The following SLC4A7 variants were observed in gnomAD, a reference collection of about 807,000 sequenced individuals.
The protein encoded by SLC4A7 is solute carrier family 4 member 7.
Under a neutral mutation model 137.6 loss-of-function variants are expected in SLC4A7, and 51 were observed. The ratio of observed to expected loss-of-function variants is 0.37; its 90% CI spans 0.30 to 0.47. The LOEUF is 0.47. Among genes scored for constraint, SLC4A7 ranks in the 20% least tolerant of loss-of-function variants. The pLI, the probability that SLC4A7 is intolerant of heterozygous loss-of-function variation, is 1.00. For missense variants in SLC4A7, 1,247 were observed against 1,525.4 expected, an observed-to-expected ratio of 0.82 and a Z score of 3.04; for synonymous variants, 542 against 518.6, an observed-to-expected ratio of 1.05 and a Z score of -0.61.
chr3:27,421,683 A>T lies in SLC4A7; in HGVS notation c.1363T>A (p.Phe455Ile). The stretch of plus-strand genomic sequence containing the variant: ...AGGACAGCAGGAGCCAGTCTCACAA[A>T]TGCAATTATTGGCCTTTCCAAAAAG... ...VDFLERPIIA[F>I]VRLAPAVLLT... Residue 455 changes from phenylalanine to isoleucine, a missense_variant, in exon 9 of 26, where the codon TTT becomes ATT. Physicochemically the swap from Phe to Ile is conservative, Grantham distance 21. Around this residue, in one of 6 missense-constraint regions of SLC4A7, gnomAD observed 499 missense variants for 664.2 expected, o/e 0.75. Transcript: ENST00000454389. The T allele has an allele frequency of 6.2e-7, 1 of 1,614,074 alleles. No individual in the cohort carries two copies. The highest frequency in any genetic ancestry group is 1.1e-5 in the South Asian group (1 of 91,078).
chr3:27,450,659 G>A (rs12632305), intron 2 of SLC4A7, among the ~76,000 whole-genome samples: 4 of 151,830 alleles, frequency 2.6e-5, no homozygotes, highest in African/African-American at 9.7e-5. Context: ...GTGCAGTTTA[G>A]AAAGAAAGGG....
At chr3:27,423,523 G>C (rs1368734954) in intron 8 of SLC4A7, 1 of 152,160 alleles carries the variant, frequency 6.6e-6, no homozygotes, top group Non-Finnish European at 1.5e-5. Context: ...GTTCACATAG[G>C]TATTTTTTTG....
rs551887428 is a variant in SLC4A7, at chr3:27,431,225, T to C, written c.1150+73A>G. On this transcript the variant is annotated intron_variant, in intron 7 of 25. Transcript: ENST00000454389. The stretch of plus-strand genomic sequence containing the variant: ...ATCTACATATGCTGCTTAAGCTATG[T>C]GCTAAAAGGCATTCCAAGTGCAAGT... 3.0e-4 allele frequency: 444 copies of C among 1,459,098 alleles called. 2 individuals carry two copies. Among genetic ancestry groups the C allele is most frequent in the South Asian group, 2.3e-3 (165 of 71,132 alleles). 90.4% of individuals were successfully genotyped at this position (1,459,098 alleles called of 1,614,324 possible).
At chr3:27,410,457 A>G (rs550794401) in intron 12 of SLC4A7, among the ~76,000 whole-genome samples, 10 of 152,338 alleles carry the variant, frequency 6.6e-5, no homozygotes, top group Admixed American at 2.0e-4. Context: ...TTTCAAATGG[A>G]TATTTCAAGC....
Position 27,448,789 on chromosome 3 carries a change from C to A in SLC4A7, c.151G>T (p.Ala51Ser). 6.3e-7 allele frequency: 1 copy of A among 1,591,454 alleles called. No individual in the cohort carries two copies. Among genetic ancestry groups the A allele is most frequent in the Non-Finnish European group, 8.5e-7 (1 of 1,170,280 alleles). ...FEKEELESHR[A>S]VYIGVHVPFS... ...GGGACGTGAACACCAATATATACAG[C>A]TCTATGACCTATTAAAAGGTTCAGA... Residue 51 changes from alanine to serine, a missense_variant, in exon 3 of 26, where the codon GCT becomes TCT. This residue lies in a region of SLC4A7 where 176 missense variants were observed against 186.4 expected (regional missense o/e 0.94). Coordinates refer to ENST00000454389, the MANE Select transcript of SLC4A7 (RefSeq NM_001321103.2).
intron 13 of SLC4A7, among the ~76,000 whole-genome samples, chr3:27,407,039 C>A (rs1323849963): frequency 6.7e-6 from 1 of 150,076 alleles, no homozygotes; most frequent in Non-Finnish European, 1.5e-5. Context: ...TTAACACAGG[C>A]AAATCGGTAT....
chr3:27,464,797 A>G (rs1054852677), intron 1 of SLC4A7, among the ~76,000 whole-genome samples: 1 of 152,094 alleles, frequency 6.6e-6, no homozygotes, highest in African/African-American at 2.4e-5. Flanking sequence ...GAGCACTGGG[A>G]GGATGGGGTG....
rs2056733333 is a variant in SLC4A7 at position 27,436,251 on chromosome 3, A to G, written c.589+137T>C. 4 of 570,886 alleles carry G rather than the reference A, an allele frequency of 7.0e-6. No homozygotes were observed. The East Asian group carries it at 1.2e-4, about 17-fold the overall frequency. The allele number at this position is 570,886 out of a possible 1,614,324, so 35.4% of individuals were successfully genotyped here. On this transcript the variant is annotated intron_variant, in intron 5 of 25. Transcript: ENST00000454389. ...CGGTTTAATTTAATCTCATCTGCAA[A>G]TTTATCAAAGACAAAAATTCTATCT...
chr3:27,429,250 G>A (rs984448714), intron 7 of SLC4A7, among the ~76,000 whole-genome samples: 3 of 151,742 alleles, frequency 2.0e-5, no homozygotes, highest in Non-Finnish European at 2.9e-5. Context: ...TGGCGACAAA[G>A]CGAGACTCTC....
intron 13 of SLC4A7, among the ~76,000 whole-genome samples, chr3:27,406,025 T>C (rs1413841074): frequency 6.6e-6 from 1 of 152,046 alleles, no homozygotes; most frequent in Non-Finnish European, 1.5e-5. Context: ...GAACGTACTA[T>C]CCAGAAAAGC....
chr3:27,463,855 T>C (rs2058832871), intron 1 of SLC4A7, among the ~76,000 whole-genome samples: 1 of 152,210 alleles, frequency 6.6e-6, no homozygotes. Context: ...GCTAAGTTCA[T>C]AACCCCTTAC....
rs765709966 is a variant in SLC4A7 at position 27,397,708 on chromosome 3, T to G, written c.2679A>C (p.Lys893Asn). Residue 893 changes from lysine (K) to asparagine (N), a missense_variant, in exon 18 of 26, where the codon AAA (lysine) becomes AAC (asparagine). Lys to Asn is a moderately conservative substitution (Grantham distance 94). Around this residue, in one of 6 missense-constraint regions of SLC4A7, gnomAD observed 499 missense variants for 664.2 expected, o/e 0.75. Coordinates refer to ENST00000454389, the MANE Select transcript of SLC4A7 (RefSeq NM_001321103.2). ...CCTCAAATTTTTCAGGAACATGAAG[T>G]TTAGGAGATGGAACTCCTACAAGGT... ...IDYLVGVPSPKLHVPEKFEPT... is the reference protein window; with the variant it reads ...IDYLVGVPSPNLHVPEKFEPT... The G allele has an allele frequency of 6.2e-7, 1 of 1,601,604 alleles. No individual in the cohort carries two copies. Among genetic ancestry groups the G allele is most frequent in the Non-Finnish European group, 8.5e-7 (1 of 1,170,822 alleles).
At chr3:27,474,679 C>T (rs2059393221) in intron 1 of SLC4A7, among the ~76,000 whole-genome samples, 1 of 152,074 alleles carries the variant, frequency 6.6e-6, no homozygotes, top group African/African-American at 2.4e-5. Flanking sequence ...GCTTGTGCAA[C>T]AGTACAAGAC....
At chr3:27,412,426 G>A (rs1303833331) in intron 11 of SLC4A7, among the ~76,000 whole-genome samples, 1 of 152,162 alleles carries the variant, frequency 6.6e-6, no homozygotes. Context: ...AAACAGAGAG[G>A]TAAAGGGAAA....
At chr3:27,473,687 C>T (rs1055031081) in intron 1 of SLC4A7, among the ~76,000 whole-genome samples, 1 of 110,620 alleles carries the variant, frequency 9.0e-6, no homozygotes, top group African/African-American at 3.5e-5. Flanking sequence ...GCCTGGGTGA[C>T]AGAGTGAGAC....
At chr3:27,400,163 T>G (rs1390860480) in intron 16 of SLC4A7, among the ~76,000 whole-genome samples, 1 of 152,218 alleles carries the variant, frequency 6.6e-6, no homozygotes, top group South Asian at 2.1e-4. Flanking sequence ...ATAAATATTC[T>G]AGGATTAGGA....
chr3:27,460,506 T>C (rs954941241), intron 1 of SLC4A7, among the ~76,000 whole-genome samples: 9 of 152,306 alleles, frequency 5.9e-5, no homozygotes, highest in African/African-American at 1.9e-4. Flanking sequence ...ATAATTAAAA[T>C]TGGACCATCT....
At position 27,448,675 on chromosome 3, in the gene SLC4A7, C is replaced by A. The variant is rs1188714598; in HGVS notation, c.265G>T (p.Asp89Tyr). Reference protein sequence around the residue: ...RRKDKESDKEDGRESPSYDTP... With the variant: ...RRKDKESDKEYGRESPSYDTP... ...CCATAAGAAGGAGATTCCCGTCCAT[C>A]TTCTTTATCTGATTCTTTATCTTTT... is the stretch of plus-strand genomic sequence containing the variant. Residue 89 changes from aspartate to tyrosine, a missense_variant, in exon 3 of 26, where the codon GAT becomes TAT. Asp to Tyr is a radical substitution (Grantham distance 160, BLOSUM62 -3). Coordinates refer to ENST00000454389, the MANE Select transcript of SLC4A7 (RefSeq NM_001321103.2). The A allele has an allele frequency of 1.2e-6, 2 of 1,612,484 alleles. No individual in the cohort carries two copies. The highest frequency in any genetic ancestry group is 1.1e-5 in the South Asian group (1 of 90,996).
intron 1 of SLC4A7, among the ~76,000 whole-genome samples, chr3:27,483,082 C>A (rs1490532778): frequency 6.6e-6 from 1 of 152,250 alleles, no homozygotes; most frequent in Admixed American, 6.5e-5. Context: ...TCCCTGCAAC[C>A]TTCCCGCCTT....
Sources: allele counts gnomAD v4.1 joint callset (sites outside exome capture counted in the v4.1 genomes callset), GRCh38; gene constraint gnomAD v4.1.1; regional missense constraint gnomAD v4.1.1; transcripts MANE v1.5; gene names NCBI Gene and HGNC (gene_info 2026-07-23, HGNC 2026-07-21).